The following CSMD2 variants were observed in gnomAD, a reference collection of about 807,000 sequenced individuals.
The protein encoded by CSMD2 is CUB and Sushi multiple domains 2, also known as CUB and sushi domain-containing protein 2.
In CSMD2, 130 loss-of-function variants were observed where a neutral mutation model predicts 398.5. The observed-to-expected ratio is 0.33, with a 90% CI of 0.28 to 0.38. The LOEUF is 0.38. CSMD2 is among the 10% of genes least tolerant of loss of function. The pLI is 1.00. For synonymous variants in CSMD2, 1,828 were observed against 1,908.5 expected, an observed-to-expected ratio of 0.96 and a Z score of 1.10; for missense variants, 3,829 against 4,764.9, an observed-to-expected ratio of 0.80 and a Z score of 5.78.
At chr1:33,840,460 T>G (rs1660739653) in intron 6 of CSMD2, among the ~76,000 whole-genome samples, 1 of 152,166 alleles carries the variant, frequency 6.6e-6, no homozygotes. Context: ...CCTTCAGACC[T>G]CTGTTGAAAC....
At chr1:34,093,856 T>G (rs948941338) in intron 1 of CSMD2, among the ~76,000 whole-genome samples, 3 of 152,076 alleles carry the variant, frequency 2.0e-5, no homozygotes, top group Admixed American at 2.0e-4. Flanking sequence ...CCCGGAGAAT[T>G]TCCCCAATCT....
intron 2 of CSMD2, among the ~76,000 whole-genome samples, chr1:34,078,873 G>A (rs940741520): frequency 6.6e-6 from 1 of 152,210 alleles, no homozygotes; most frequent in African/African-American, 2.4e-5. Flanking sequence ...ACACTGCGGA[G>A]TCATCCTCCA....
At chr1:33,758,560 A>G (rs1306360971) in intron 13 of CSMD2, among the ~76,000 whole-genome samples, 5 of 152,226 alleles carry the variant, frequency 3.3e-5, no homozygotes, top group African/African-American at 9.6e-5. Flanking sequence ...AGACATATAC[A>G]GGTCTGCCCT....
rs373711523 is a variant in CSMD2 at position 33,724,595 on chromosome 1, C to T, written c.2805G>A (p.Ser935=). Residue 935 remains serine, a synonymous_variant, in exon 18 of 71, where the codon TCG becomes TCA. Coordinates refer to ENST00000373381, the MANE Select transcript of CSMD2 (RefSeq NM_001281956.2). ...VGALVTFSCD[S]GYTLSDGEPL... ...GCTCCCCGTCACTTAATGTGTAGCC[C>T]GAGTCACAGCTGAAGGTCACCAGCG... 102 of 1,614,044 alleles carry T rather than the reference C, an allele frequency of 6.3e-5. No homozygotes were observed. The highest frequency in any genetic ancestry group is 8.0e-5 in the African/African-American group (6 of 74,918).
intron 56 of CSMD2, among the ~76,000 whole-genome samples, chr1:33,548,576 T>C (rs1244980753): frequency 6.6e-6 from 1 of 152,212 alleles, no homozygotes; most frequent in Non-Finnish European, 1.5e-5. Context: ...CATGAATGTG[T>C]ATTTCATAGG....
intron 3 of CSMD2, among the ~76,000 whole-genome samples, chr1:33,953,560 G>A (rs770135838): frequency 6.6e-6 from 1 of 152,142 alleles, no homozygotes. Flanking sequence ...AGCTTTTTCT[G>A]AGATCCATGG....
At chr1:33,602,722 C>T in intron 42 of CSMD2, among the ~76,000 whole-genome samples, 176 bp from the exon 43 acceptor site, 1 of 152,194 alleles carries the variant, frequency 6.6e-6, no homozygotes, top group East Asian at 1.9e-4. Context: ...ACCCACCAGT[C>T]CCCACACAGA....
At chr1:33,845,091 G>T (rs1884982) in intron 6 of CSMD2, among the ~76,000 whole-genome samples, 119,675 of 151,374 alleles carry the variant, frequency 0.79, 48,240 homozygotes, top group African/African-American at 0.94. Flanking sequence ...TTGTGATTTT[G>T]TTTTTTACAG....
chr1:34,147,972 G>T lies in CSMD2; in HGVS notation c.187+16939C>A, dbSNP rs558903944. Among the ~76,000 whole-genome samples the T allele has an allele frequency of 2.6e-3, 400 of 152,186 alleles. 4 individuals are homozygous for T. The highest frequency in any genetic ancestry group is 8.9e-3 in the African/African-American group (370 of 41,526). ...AGGACAGAGCCTGTGGTCCAGAGTGGTCGAAAGCCAGAGGCAGGACACTCT... is the reference window on the plus strand; with the variant it reads ...AGGACAGAGCCTGTGGTCCAGAGTGTTCGAAAGCCAGAGGCAGGACACTCT... On this transcript the variant is annotated intron_variant, in intron 1 of 70. Transcript: ENST00000373381.
intron 3 of CSMD2, among the ~76,000 whole-genome samples, chr1:33,941,390 C>T (rs1644669846): frequency 6.6e-6 from 1 of 152,188 alleles, no homozygotes; most frequent in South Asian, 2.1e-4. Context: ...TTGATTTCTT[C>T]TCTTCCATCA....
intron 5 of CSMD2, among the ~76,000 whole-genome samples, chr1:33,858,601 C>A (rs1392380855): frequency 5.3e-5 from 8 of 152,210 alleles, no homozygotes; most frequent in Non-Finnish European, 1.2e-4. Flanking sequence ...GTGCTCACAT[C>A]TGATTGATTA....
intron 24 of CSMD2, among the ~76,000 whole-genome samples, chr1:33,694,330 T>A (rs749450581): frequency 2.6e-4 from 40 of 152,222 alleles, no homozygotes; most frequent in Non-Finnish European, 4.9e-4. Flanking sequence ...TAGATTGTGG[T>A]GATGGCTGTA....
intron 44 of CSMD2, among the ~76,000 whole-genome samples, chr1:33,589,273 C>G (rs1442698768): frequency 2.0e-5 from 3 of 152,178 alleles, no homozygotes; most frequent in Non-Finnish European, 1.5e-5. Context: ...GACTGTTCCT[C>G]CAGCACTGGG....
At chr1:33,542,924 A>G (rs1656498106) in intron 57 of CSMD2, 28 bp from the exon 58 acceptor site, 1 of 1,598,882 alleles carries the variant, frequency 6.3e-7, no homozygotes, top group African/African-American at 1.3e-5. Flanking sequence ...CACATTATTC[A>G]CCAGAACAAT....
intron 1 of CSMD2, among the ~76,000 whole-genome samples, chr1:34,159,114 C>T (rs533105047): frequency 6.6e-6 from 1 of 152,222 alleles, no homozygotes; most frequent in Non-Finnish European, 1.5e-5. Context: ...CATCAGCACA[C>T]TTACTGAGTG....
At chr1:34,025,577 C>T (rs1178780448) in intron 3 of CSMD2, among the ~76,000 whole-genome samples, 5 of 152,062 alleles carry the variant, frequency 3.3e-5, no homozygotes, top group African/African-American at 7.2e-5. Flanking sequence ...TGTGTGAGTA[C>T]GTGTACATGC....
chr1:33,642,346 C>CA lies in CSMD2; in HGVS notation c.4774+4301dup, dbSNP rs71029013. Among the ~76,000 whole-genome samples the CA allele has an allele frequency of 6.6e-3, 555 of 83,648 alleles. 12 individuals are homozygous for CA. The highest frequency in any genetic ancestry group is 0.02 in the African/African-American group (410 of 20,878). 54.9% of individuals were successfully genotyped at this position (83,648 alleles called of 152,430 possible). On this transcript the variant is annotated intron_variant, in intron 29 of 70. Transcript: ENST00000373381. The stretch of plus-strand genomic sequence containing the variant: ...TGGGTGACAGAGTGACACTCTGTCT[C>CA]AAAAAAAAAAAAAAAAAAAGGAAAG...
chr1:34,128,810 G>T (rs1184573490), intron 1 of CSMD2, among the ~76,000 whole-genome samples: 1 of 152,164 alleles, frequency 6.6e-6, no homozygotes, highest in Non-Finnish European at 1.5e-5. Context: ...AGCTCAGAAG[G>T]ACAGTGACTA....
At chr1:33,954,739 T>C (rs983422198) in intron 3 of CSMD2, among the ~76,000 whole-genome samples, 2 of 152,100 alleles carry the variant, frequency 1.3e-5, no homozygotes, top group African/African-American at 2.4e-5. Flanking sequence ...ATTCCACTTA[T>C]ATGAGACACC....
Sources: allele counts gnomAD v4.1 joint callset (sites outside exome capture counted in the v4.1 genomes callset), GRCh38; gene constraint gnomAD v4.1.1; transcripts MANE v1.5; gene names NCBI Gene and HGNC (gene_info 2026-07-23, HGNC 2026-07-21).